Variants in PACRG observed in about 807,000 individuals in gnomAD.
PACRG encodes the protein parkin coregulated.
PACRG carries 29 observed loss-of-function variants against 29.7 expected under a neutral mutation model. That is an observed-to-expected ratio of 0.98 (90% confidence interval 0.73 to 1.33). The LOEUF (loss-of-function observed/expected upper bound fraction) is 1.33, where lower values mean the gene tolerates loss of function less well. PACRG is among the 40% of genes most tolerant of loss of function. PACRG has a pLI of 0.00. For synonymous variants in PACRG, 116 were observed against 118.7 expected (o/e 0.98, Z 0.15); for missense variants, 279 against 316.2 (o/e 0.88, Z 0.89).
intron 2 of PACRG, among the ~76,000 whole-genome samples, chr6:163,014,752 T>A (rs898769136): frequency 6.6e-6 from 1 of 152,156 alleles, no homozygotes; most frequent in Non-Finnish European, 1.5e-5. Flanking sequence ...ATAGTAGACC[T>A]TTGTCAGATT....
chr6:163,065,163 C>T (rs1050011494), intron 3 of PACRG, among the ~76,000 whole-genome samples: 3 of 152,142 alleles, frequency 2.0e-5, no homozygotes, highest in African/African-American at 7.2e-5. Flanking sequence ...CTGCTGCTCC[C>T]TTTTCCCTCC....
At chr6:162,783,642 ATATGC>A (rs1276707243) in intron 1 of PACRG, among the ~76,000 whole-genome samples, 2 of 152,150 alleles carry the variant, frequency 1.3e-5, no homozygotes, top group African/African-American at 4.8e-5. Flanking sequence ...CTATTTTAAA[ATATGC>A]TATGATAATT....
At chr6:162,990,422 T>C (rs944437499) in intron 2 of PACRG, among the ~76,000 whole-genome samples, 5 of 150,326 alleles carry the variant, frequency 3.3e-5, no homozygotes, top group South Asian at 2.1e-4. Flanking sequence ...TTTTTAATGA[T>C]TGCCATTCTA....
At chr6:162,900,198 A>T (rs1170030443) in intron 2 of PACRG, among the ~76,000 whole-genome samples, 20 of 152,032 alleles carry the variant, frequency 1.3e-4, no homozygotes, top group Admixed American at 1.3e-3. Flanking sequence ...ACCAACACGC[A>T]CATATGCACT....
At chr6:162,954,284 G>A (rs192224937) in intron 2 of PACRG, among the ~76,000 whole-genome samples, 3 of 152,212 alleles carry the variant, frequency 2.0e-5, no homozygotes, top group African/African-American at 7.2e-5. Flanking sequence ...ATGATGCTTT[G>A]GTTATTTAGC....
chr6:162,823,501 G>C (rs1282595868), intron 2 of PACRG, among the ~76,000 whole-genome samples: 3 of 150,142 alleles, frequency 2.0e-5, no homozygotes, highest in Non-Finnish European at 3.0e-5. Context: ...TTCTGGCAGA[G>C]CTTTCTTTTC....
chr6:163,060,588 T>A (rs1224318050), intron 2 of PACRG, among the ~76,000 whole-genome samples: 2 of 152,218 alleles, frequency 1.3e-5, no homozygotes, highest in Admixed American at 1.3e-4. Context: ...ACAGAGGATC[T>A]GGACATTGCC....
At chr6:163,239,359 A>T (rs1782371282) in intron 4 of PACRG, among the ~76,000 whole-genome samples, 1 of 152,114 alleles carries the variant, frequency 6.6e-6, no homozygotes, top group South Asian at 2.1e-4. Flanking sequence ...TTCTTCTTTT[A>T]TCATAATATT....
intron 2 of PACRG, among the ~76,000 whole-genome samples, chr6:162,985,964 A>AAAT (rs386409207): frequency 1.4e-3 from 74 of 52,774 alleles, no homozygotes; most frequent in East Asian, 4.2e-3. Flanking sequence ...CAATAGCTGC[A>AAAT]AAAATAAAAT....
chr6:163,049,822 TA>T (rs889865229), intron 2 of PACRG, among the ~76,000 whole-genome samples: 17 of 152,266 alleles, frequency 1.1e-4, no homozygotes, highest in African/African-American at 3.4e-4. Flanking sequence ...GGTAGTCATT[TA>T]TTTTTTATAG....
chr6:163,128,987 G>C (rs755886519), intron 4 of PACRG, among the ~76,000 whole-genome samples: 1 of 152,076 alleles, frequency 6.6e-6, no homozygotes, highest in Non-Finnish European at 1.5e-5. Context: ...AAGTATAAGA[G>C]AATTCTCAAT....
At chr6:162,953,418 A>G (rs149250023) in intron 2 of PACRG, among the ~76,000 whole-genome samples, 237 of 152,326 alleles carry the variant, frequency 1.6e-3, no homozygotes, top group Middle Eastern at 3.4e-3. Flanking sequence ...AAGAAAACTT[A>G]GAAGATAATA....
At chr6:162,857,179 C>T (rs1490756449) in intron 2 of PACRG, among the ~76,000 whole-genome samples, 1 of 152,170 alleles carries the variant, frequency 6.6e-6, no homozygotes, top group African/African-American at 2.4e-5. Context: ...CATCTTGCTC[C>T]GAGAGTTCAC....
chr6:163,207,989 C>T (rs1474786389), intron 4 of PACRG, among the ~76,000 whole-genome samples: 4 of 152,144 alleles, frequency 2.6e-5, no homozygotes, highest in Non-Finnish European at 2.9e-5. Flanking sequence ...AGCTGCCAGG[C>T]GTTGGGGAGC....
intron 4 of PACRG, among the ~76,000 whole-genome samples, chr6:163,257,757 T>C (rs1270050890): frequency 6.6e-6 from 1 of 152,230 alleles, no homozygotes; most frequent in Non-Finnish European, 1.5e-5. Context: ...TTTTTTAACT[T>C]CTTTATAGCT....
intron 4 of PACRG, among the ~76,000 whole-genome samples, chr6:163,221,820 TC>T (rs1781590608): frequency 1.3e-5 from 2 of 151,430 alleles, no homozygotes; most frequent in African/African-American, 4.9e-5. Flanking sequence ...TTAAAGGACT[TC>T]CCTGCCAGGC....
chr6:163,040,863 A>C (rs1215950497), intron 2 of PACRG, among the ~76,000 whole-genome samples: 2 of 152,166 alleles, frequency 1.3e-5, no homozygotes, highest in Non-Finnish European at 2.9e-5. Flanking sequence ...GCCTTTTTTC[A>C]GATGAGACTT....
chr6:162,750,079 A>G (rs746475757), intron 1 of PACRG, among the ~76,000 whole-genome samples: 16 of 152,226 alleles, frequency 1.1e-4, no homozygotes, highest in Non-Finnish European at 1.3e-4. Flanking sequence ...AAACTATGAT[A>G]GTACTTAACA....
At chr6:163,196,145 C>A (rs1780443744) in intron 4 of PACRG, among the ~76,000 whole-genome samples, 1 of 152,220 alleles carries the variant, frequency 6.6e-6, no homozygotes, top group Non-Finnish European at 1.5e-5. Context: ...ACAGCGTTTC[C>A]GCGAGAACGT....
Sources: allele counts gnomAD v4.1 joint callset (sites outside exome capture counted in the v4.1 genomes callset), GRCh38; gene constraint gnomAD v4.1.1; transcripts MANE v1.5; gene names NCBI Gene and HGNC (gene_info 2026-07-23, HGNC 2026-07-21).